SYAP1: variants seen among roughly 807,000 people sequenced by gnomAD.
The protein encoded by SYAP1 is synapse associated protein 1, also known as synapse-associated protein 1.
SYAP1 carries 3 observed loss-of-function variants against 29.6 expected under a neutral mutation model. The ratio of observed to expected loss-of-function variants is 0.10; its 90% CI spans 0.05 to 0.26. SYAP1 has a LOEUF of 0.26. Among genes scored for constraint, SYAP1 ranks in the 10% least tolerant of loss-of-function variants. The probability of loss-of-function intolerance (pLI) is 1.00; values close to 1 mark genes in which losing one functional copy is unlikely to be tolerated. For missense variants in SYAP1, 217 were observed against 264.1 expected, an observed-to-expected ratio of 0.82 and a Z score of 1.24; for synonymous variants, 102 against 102.7, an observed-to-expected ratio of 0.99 and a Z score of 0.04.
intron 6 of SYAP1, 33 bp downstream of exon 6, chrX:16,755,126 A>G: frequency 2.5e-6 from 3 of 1,198,292 alleles, no homozygotes; most frequent in Non-Finnish European, 3.4e-6. Flanking sequence ...CACTCTACAG[A>G]AAAAGTTGTT....
At position 16,746,663 on chromosome X, in the gene SYAP1, A is replaced by ACCACCTCC. The variant is rs746280343; in HGVS notation, c.575+2833_575+2840dup. Among the ~76,000 whole-genome samples the ACCACCTCC allele has an allele frequency of 2.2e-3, 239 of 108,897 alleles. 2 individuals are homozygous for ACCACCTCC. The highest frequency in any genetic ancestry group is 7.8e-3 in the African/African-American group (234 of 29,848). 94.6% of individuals were successfully genotyped at this position (108,897 alleles called of 115,157 possible). Reference sequence around the variant, plus strand: ...AATGGCTTGATCTCGGCTCATCGTAACCACCTCCCCACCTCCCAGGTTCAA... The same window carrying ACCACCTCC: ...AATGGCTTGATCTCGGCTCATCGTAACCACCTCCCCACCTCCCCACCTCCCAGGTTCAA... On this transcript the variant is annotated intron_variant, in intron 5 of 8. Coordinates refer to ENST00000380155, the MANE Select transcript of SYAP1 (RefSeq NM_032796.4).
intron 5 of SYAP1, among the ~76,000 whole-genome samples, chrX:16,745,126 C>G (rs1387716399): frequency 8.9e-6 from 1 of 112,616 alleles, no homozygotes; most frequent in Admixed American, 9.4e-5. Context: ...TGGGGACAAG[C>G]CTTTTGGCCT....
chrX:16,733,011 C>T (rs1026494589), intron 1 of SYAP1, among the ~76,000 whole-genome samples: 1 of 111,772 alleles, frequency 8.9e-6, no homozygotes, highest in East Asian at 2.8e-4. Context: ...GGACATCCAT[C>T]GTAGTCAAGG....
chrX:16,756,203 T>A (rs115150960), intron 6 of SYAP1, among the ~76,000 whole-genome samples: 1,870 of 112,382 alleles, frequency 0.017, 54 homozygotes, highest in African/African-American at 0.058. Context: ...CAGGCAAACT[T>A]GATAAATAGC....
intron 8 of SYAP1, among the ~76,000 whole-genome samples, 190 bp downstream of exon 8, chrX:16,757,499 TC>T (rs1377188741): frequency 9.1e-6 from 1 of 110,272 alleles, no homozygotes; most frequent in Non-Finnish European, 1.9e-5. Flanking sequence ...GGCGGGCAGA[TC>T]ACGAGGTCAG....
At position 16,757,218 on chromosome X, in the gene SYAP1, C is replaced by T. The variant is rs528918759; in HGVS notation, c.840C>T (p.Phe280=). The T allele has an allele frequency of 1.9e-5, 23 of 1,210,117 alleles. No individual in the cohort carries two copies. The South Asian group carries it at 2.3e-4, about 12-fold the overall frequency. ...TTTCTGAGTTTGTCAGTGATGCCTT[C>T]GATGCCTGTAACCTAAATCAGGAAG... ...PGVSEFVSDA[F]DACNLNQEDL... Residue 280 remains phenylalanine, a synonymous_variant, in exon 8 of 9, where the codon TTC becomes TTT. Transcript: ENST00000380155.
intron 5 of SYAP1, among the ~76,000 whole-genome samples, chrX:16,745,354 G>A (rs977089524): frequency 8.9e-6 from 1 of 111,963 alleles, no homozygotes; most frequent in Admixed American, 9.5e-5. Context: ...GCAGAGCAGG[G>A]CAGGGCAAGA....
In SYAP1 at chrX:16,760,526, T is replaced by C; in HGVS notation, c.*167T>C. The C allele has an allele frequency of 2.8e-6, 1 of 359,915 alleles. No homozygotes were observed. Among genetic ancestry groups the C allele is most frequent in the Non-Finnish European group, 4.4e-6 (1 of 225,734 alleles). The allele number at this position is 359,915 out of a possible 1,213,427, so 29.7% of individuals were successfully genotyped here. A position where few individuals can be genotyped will look rare whatever the true frequency, so the allele number is the denominator to read the frequency against. On this transcript the variant is annotated 3_prime_UTR_variant, in exon 9 of 9. Coordinates refer to ENST00000380155, the MANE Select transcript of SYAP1 (RefSeq NM_032796.4). ...GCCTCTTCTACTTTAAAAAAGTATA[T>C]AGAACAGTTACTTCTAATAATCAGA... is the stretch of plus-strand genomic sequence containing the variant.
intron 1 of SYAP1, among the ~76,000 whole-genome samples, chrX:16,723,452 G>C (rs1289988509): frequency 8.9e-6 from 1 of 111,804 alleles, no homozygotes; most frequent in East Asian, 2.8e-4. Flanking sequence ...TATGAGGATA[G>C]ACCTGAGGCT....
chrX:16,756,699 A>G lies in SYAP1; in HGVS notation c.761A>G (p.Lys254Arg), dbSNP rs1040336704. The change falls in exon 7 of 9, where the codon AAA becomes AGA. Residue 254 changes from lysine to arginine, a missense_variant. Lys to Arg is a conservative substitution (Grantham distance 26). Coordinates refer to ENST00000380155, the MANE Select transcript of SYAP1 (RefSeq NM_032796.4). ...CCCAAAACGCCACCCGTTGTAATCA[A>G]ATCTCAGCTTAAAACTCAAGAGGTA... is the stretch of plus-strand genomic sequence containing the variant. ...VRPKTPPVVI[K>R]SQLKTQEDEE... 1.7e-6 allele frequency: 2 copies of G among 1,211,403 alleles called. No individual in the cohort carries two copies. Among genetic ancestry groups the G allele is most frequent in the African/African-American group, 3.5e-5 (2 of 57,873 alleles).
At chrX:16,724,202 G>A (rs1300757772) in intron 1 of SYAP1, among the ~76,000 whole-genome samples, 1 of 112,016 alleles carries the variant, frequency 8.9e-6, no homozygotes, top group East Asian at 2.8e-4. Context: ...GCACAGTAGA[G>A]TCACACAGGA....
chrX:16,743,480 A>G (rs1441462424), intron 4 of SYAP1, among the ~76,000 whole-genome samples: 1 of 108,544 alleles, frequency 9.2e-6, no homozygotes. Flanking sequence ...CTAAAAATAC[A>G]AAAATTAGCC....
chrX:16,725,528 G>T (rs1481949022), intron 1 of SYAP1, among the ~76,000 whole-genome samples: 1 of 111,943 alleles, frequency 8.9e-6, no homozygotes, highest in Admixed American at 9.6e-5. Context: ...CGTGGTGTCA[G>T]CTGATCTCTT....
At chrX:16,725,632 ACT>A (rs1926069174) in intron 1 of SYAP1, among the ~76,000 whole-genome samples, 1 of 111,435 alleles carries the variant, frequency 9.0e-6, no homozygotes, top group African/African-American at 3.3e-5. Context: ...CACTCTAATA[ACT>A]CTCTGGAGAC....
intron 4 of SYAP1, 27 bp from the exon 5 acceptor site, chrX:16,743,674 C>T (rs760329017): frequency 8.3e-7 from 1 of 1,202,133 alleles, no homozygotes; most frequent in Non-Finnish European, 1.1e-6. Context: ...GTGGAATACC[C>T]TGTGTTTTTT....
At chrX:16,728,787 T>G (rs1244060157) in intron 1 of SYAP1, among the ~76,000 whole-genome samples, 3 of 110,246 alleles carry the variant, frequency 2.7e-5, no homozygotes, top group Non-Finnish European at 5.7e-5. Context: ...CCTGTAATCC[T>G]AGCACTTTGG....
chrX:16,759,523 G>A (rs981066963), intron 8 of SYAP1, among the ~76,000 whole-genome samples: 6 of 111,835 alleles, frequency 5.4e-5, no homozygotes, highest in East Asian at 5.6e-4. Flanking sequence ...AAATCTCAAC[G>A]CGGAAGACCA....
intron 5 of SYAP1, among the ~76,000 whole-genome samples, chrX:16,746,166 A>G (rs1325344170): frequency 6.1e-5 from 4 of 65,573 alleles, no homozygotes; most frequent in Non-Finnish European, 8.3e-5. Flanking sequence ...TAAGAAAAGT[A>G]TGTTTTATGG....
intron 5 of SYAP1, among the ~76,000 whole-genome samples, chrX:16,748,433 C>T (rs1168864720): frequency 8.9e-6 from 1 of 112,773 alleles, no homozygotes; most frequent in Non-Finnish European, 1.9e-5. Context: ...GAACAGAAGC[C>T]ATCATTAACT....
Sources: gnomAD v4.1 joint callset for allele counts (sites outside exome capture counted in the v4.1 genomes callset) on GRCh38, gnomAD v4.1.1 for gene constraint, MANE v1.5 for transcripts, NCBI Gene and HGNC (gene_info 2026-07-23, HGNC 2026-07-21) for gene names.